The following PRKCQ variants were observed in gnomAD, a reference collection of about 807,000 sequenced individuals.
The protein encoded by PRKCQ is protein kinase C theta type.
In PRKCQ, 41 loss-of-function variants were observed where a neutral mutation model predicts 91.2. The observed-to-expected ratio is 0.45, with a 90% CI of 0.35 to 0.58. The LOEUF is 0.58. Ranked by LOEUF, PRKCQ falls within the 20% of genes least tolerant of loss-of-function variation. The pLI is 0.00. For synonymous variants in PRKCQ, 307 were observed against 316.9 expected (o/e 0.97, Z 0.33); for missense variants, 673 against 896.5 (o/e 0.75, Z 3.18).
chr10:6,509,406 A>G (rs947557713), intron 3 of PRKCQ, among the ~76,000 whole-genome samples: 2 of 152,194 alleles, frequency 1.3e-5, no homozygotes, highest in Admixed American at 1.3e-4. Context: ...TTTAAAAAAA[A>G]AATTAGGTAG....
chr10:6,548,394 A>G lies in PRKCQ; in HGVS notation c.-10+31817T>C, dbSNP rs1432469695. Among the ~76,000 whole-genome samples the G allele has an allele frequency of 3.1e-3, 466 of 151,676 alleles. 2 individuals are homozygous for G. Among genetic ancestry groups the G allele is most frequent in the African/African-American group, 0.011 (439 of 41,404 alleles). On this transcript the variant is annotated intron_variant, in intron 1 of 17. Transcript: ENST00000263125. ...CATCCCATTACTGGGTATATACCCAAAGGACTATAAATCATGCTGCTATAA... is the reference window on the plus strand; with the variant it reads ...CATCCCATTACTGGGTATATACCCAGAGGACTATAAATCATGCTGCTATAA...
chr10:6,514,904 C>A, intron 2 of PRKCQ, 114 bp downstream of exon 2: 1 of 1,533,472 alleles, frequency 6.5e-7, no homozygotes, highest in East Asian at 2.2e-5. Flanking sequence ...TCCTAAATGG[C>A]AGGATTTGGT....
chr10:6,397,509 C>T, the PRKCQ span, among the ~76,000 whole-genome samples: 6 of 152,206 alleles, frequency 3.9e-5, no homozygotes, highest in African/African-American at 9.7e-5. Flanking sequence ...TTCTCCTAGT[C>T]TCTTGGCTGT....
intron 1 of PRKCQ, among the ~76,000 whole-genome samples, chr10:6,566,893 T>G (rs1840856721): frequency 6.6e-6 from 1 of 151,980 alleles, no homozygotes; most frequent in Non-Finnish European, 1.5e-5. Context: ...TGCTTAGGGC[T>G]CTCAATATTA....
At chr10:6,442,192 A>C (rs1834005771) in intron 15 of PRKCQ, 111 bp from the exon 16 acceptor site, 2 of 1,055,678 alleles carry the variant, frequency 1.9e-6, no homozygotes, top group South Asian at 3.4e-5. Context: ...GATGGTGTGC[A>C]AGAAAGATCA....
the PRKCQ span, among the ~76,000 whole-genome samples, chr10:6,403,149 G>A: frequency 1.3e-5 from 2 of 152,170 alleles, no homozygotes; most frequent in South Asian, 2.1e-4. Context: ...GGCACTGGCC[G>A]GCCCTGCTGG....
At chr10:6,515,542 A>G in intron 1 of PRKCQ, 1 of 978,590 alleles carries the variant, frequency 1.0e-6, no homozygotes, top group East Asian at 1.1e-4. Flanking sequence ...GTTTATATAG[A>G]GCGAGTCTAT....
At chr10:6,433,980 G>A (rs536053922) in intron 16 of PRKCQ, among the ~76,000 whole-genome samples, 3 of 144,786 alleles carry the variant, frequency 2.1e-5, no homozygotes, top group Non-Finnish European at 4.5e-5. Context: ...GCAGTGAGCC[G>A]AGATCGCACC....
chr10:6,481,851 T>G (rs922936949), intron 11 of PRKCQ, among the ~76,000 whole-genome samples: 3 of 152,176 alleles, frequency 2.0e-5, no homozygotes, highest in African/African-American at 7.2e-5. Flanking sequence ...CGTTAATACA[T>G]GAGATACCCT....
chr10:6,466,219 A>G (rs1001442427), intron 12 of PRKCQ, among the ~76,000 whole-genome samples: 1 of 152,242 alleles, frequency 6.6e-6, no homozygotes, highest in African/African-American at 2.4e-5. Flanking sequence ...TTCAGAATTT[A>G]ACACTGTCAA....
intron 2 of PRKCQ, 115 bp from the exon 3 acceptor site, chr10:6,511,309 G>T: frequency 2.0e-6 from 2 of 995,870 alleles, no homozygotes; most frequent in East Asian, 2.5e-5. Flanking sequence ...GAATTCTGTT[G>T]GGAAGACAAA....
intron 8 of PRKCQ, among the ~76,000 whole-genome samples, chr10:6,489,895 G>A (rs894466625): frequency 5.3e-5 from 8 of 152,096 alleles, no homozygotes; most frequent in African/African-American, 1.9e-4. Flanking sequence ...AAGCTGTGCC[G>A]CGGCGCTGCT....
At chr10:6,447,837 C>T (rs144041191) in intron 15 of PRKCQ, among the ~76,000 whole-genome samples, 1 of 152,316 alleles carries the variant, frequency 6.6e-6, no homozygotes, top group African/African-American at 2.4e-5. Flanking sequence ...AGCAGCGGAA[C>T]ACTCATAAAG....
chr10:6,416,343 G>A, the PRKCQ span, among the ~76,000 whole-genome samples: 2 of 130,210 alleles, frequency 1.5e-5, no homozygotes, highest in African/African-American at 2.5e-5. Context: ...TACCTACTGT[G>A]CAGACCTTTG....
rs117350120 is a variant in PRKCQ, at chr10:6,488,924, C to T, written c.790+2759G>A. Among the ~76,000 whole-genome samples, 39 of 151,948 alleles carry T rather than the reference C, an allele frequency of 2.6e-4. No individual in the cohort carries two copies. In the East Asian group the frequency reaches 5.8e-3, roughly 23 times the overall value. ...CCTCTTGTGTAGCTGAGACCACAGG[C>T]GTGCACACCACTACACCCGACTAAT... is the stretch of plus-strand genomic sequence containing the variant. On this transcript the variant is annotated intron_variant, in intron 8 of 17. Transcript: ENST00000263125.
the PRKCQ span, among the ~76,000 whole-genome samples, chr10:6,398,797 A>G: frequency 2.0e-5 from 3 of 151,838 alleles, no homozygotes; most frequent in East Asian, 5.8e-4. Context: ...TCTGTCACCC[A>G]GGCTGGAGTG....
chr10:6,450,500 CTG>C (rs2132288423), intron 15 of PRKCQ, among the ~76,000 whole-genome samples: 1 of 152,356 alleles, frequency 6.6e-6, no homozygotes, highest in South Asian at 2.1e-4. Context: ...TAACACCCCA[CTG>C]TCAACATTAG....
At chr10:6,517,608 T>C (rs1458653817) in intron 1 of PRKCQ, among the ~76,000 whole-genome samples, 9 of 145,024 alleles carry the variant, frequency 6.2e-5, no homozygotes, top group Admixed American at 6.2e-4. Context: ...TTTTTTTTTT[T>C]TTTTTTTTTT....
intron 15 of PRKCQ, among the ~76,000 whole-genome samples, chr10:6,445,949 A>G (rs982059060): frequency 1.3e-5 from 2 of 152,242 alleles, no homozygotes; most frequent in African/African-American, 4.8e-5. Context: ...ACAAACAAAA[A>G]GAAAATTTGG....
Sources: allele counts gnomAD v4.1 joint callset (sites outside exome capture counted in the v4.1 genomes callset), GRCh38; gene constraint gnomAD v4.1.1; transcripts MANE v1.5; gene names NCBI Gene and HGNC (gene_info 2026-07-23, HGNC 2026-07-21).